OR14A2: variants seen among roughly 807,000 people sequenced by gnomAD.
The protein encoded by OR14A2 is olfactory receptor family 14 subfamily A member 2, also known as olfactory receptor 14A2.
For missense variants in OR14A2, 237 were observed against 152.9 expected (o/e 1.55, Z -2.90); for synonymous variants, 114 against 58.6 (o/e 1.95, Z -4.32).
At chr1:247,727,378 G>T (rs574871125), upstream of OR14A2, among the ~76,000 whole-genome samples, 383 of 151,728 alleles carry the variant, frequency 2.5e-3, 4 homozygotes, top group African/African-American at 9.0e-3. Flanking sequence ...TTTGTACATT[G>T]ATTTTGTATC....
the OR14A2 span, among the ~76,000 whole-genome samples, chr1:247,729,138 A>T: frequency 6.6e-6 from 1 of 152,128 alleles, no homozygotes; most frequent in East Asian, 1.9e-4. Context: ...CACTTGGCTA[A>T]TACTTTAGAA....
chr1:247,728,227 G>T (rs1001862108), upstream of OR14A2, among the ~76,000 whole-genome samples: 1 of 152,152 alleles, frequency 6.6e-6, no homozygotes, highest in African/African-American at 2.4e-5. Context: ...TATCCACTAT[G>T]ATCAAGTGGG....
upstream of OR14A2, among the ~76,000 whole-genome samples, chr1:247,725,489 A>T (rs1199657105): frequency 1.7e-5 from 2 of 117,200 alleles, no homozygotes; most frequent in East Asian, 4.0e-4. Flanking sequence ...ACAAGATTTT[A>T]TTTATTTATT....
chr1:247,738,425 T>C, the OR14A2 span, among the ~76,000 whole-genome samples: 1 of 152,216 alleles, frequency 6.6e-6, no homozygotes, highest in Non-Finnish European at 1.5e-5. Context: ...AGTGTTAGAC[T>C]GATATACCCA....
chr1:247,737,433 G>T, the OR14A2 span, among the ~76,000 whole-genome samples: 112 of 152,266 alleles, frequency 7.4e-4, 1 homozygote, highest in African/African-American at 2.7e-3. Flanking sequence ...GGGTGTTCTT[G>T]TTGGAAAAAG....
At chr1:247,735,082 A>C in the OR14A2 span, among the ~76,000 whole-genome samples, 1 of 152,220 alleles carries the variant, frequency 6.6e-6, no homozygotes, top group Non-Finnish European at 1.5e-5. Context: ...CCCTGGCATC[A>C]CTTAAGAATG....
chr1:247,730,292 A>G, the OR14A2 span, among the ~76,000 whole-genome samples: 1 of 152,086 alleles, frequency 6.6e-6, no homozygotes, highest in East Asian at 1.9e-4. Context: ...TGATTCAAAC[A>G]TAGCAAAAAA....
chr1:247,727,242 C>G (rs1402378481), upstream of OR14A2, among the ~76,000 whole-genome samples: 1 of 147,784 alleles, frequency 6.8e-6, no homozygotes, highest in East Asian at 2.0e-4. Flanking sequence ...TTGAAGAGGT[C>G]CTTCACATCC....
chr1:247,742,436 A>G, the OR14A2 span, among the ~76,000 whole-genome samples: 3 of 151,942 alleles, frequency 2.0e-5, no homozygotes, highest in Non-Finnish European at 4.4e-5. Context: ...ACATCACAAG[A>G]TTGAAATTTT....
the OR14A2 span, among the ~76,000 whole-genome samples, chr1:247,732,651 G>T: frequency 6.6e-6 from 1 of 152,168 alleles, no homozygotes; most frequent in Admixed American, 6.5e-5. Flanking sequence ...CTGCATATAA[G>T]TGCTTATAGA....
chr1:247,723,191 G>T, exon 1 of OR14A2: 1 of 717,644 alleles, frequency 1.4e-6, no homozygotes, highest in Non-Finnish European at 2.6e-6. Flanking sequence ...TAGGTTACAG[G>T]GTTAAATACT....
chr1:247,733,773 A>C, the OR14A2 span, among the ~76,000 whole-genome samples: 71 of 152,330 alleles, frequency 4.7e-4, no homozygotes, highest in African/African-American at 1.7e-3. Context: ...GATCTGGATC[A>C]AAAAGGATTA....
chr1:247,738,696 C>T, the OR14A2 span: 5 of 780,794 alleles, frequency 6.4e-6, no homozygotes, highest in East Asian at 2.4e-5. Context: ...GCATGCTTTG[C>T]TCTTCTCACT....
At chr1:247,747,506 CG>C in the OR14A2 span, among the ~76,000 whole-genome samples, 1 of 151,872 alleles carries the variant, frequency 6.6e-6, no homozygotes, top group Admixed American at 6.6e-5. Flanking sequence ...GAACTACAGG[CG>C]CTCGCCACCA....
chr1:247,744,070 T>C, the OR14A2 span, among the ~76,000 whole-genome samples: 1 of 152,210 alleles, frequency 6.6e-6, no homozygotes, highest in Non-Finnish European at 1.5e-5. The surrounding 1 kb of genome is among the most constrained non-coding windows in gnomAD (Gnocchi z 4.3). Context: ...AAGTTCTACC[T>C]TGGCCACTGC....
the OR14A2 span, among the ~76,000 whole-genome samples, chr1:247,729,517 C>T: frequency 2.6e-5 from 4 of 152,134 alleles, no homozygotes; most frequent in African/African-American, 7.2e-5. Flanking sequence ...GCTCTGTTCC[C>T]CTTTAGACTT....
At chr1:247,736,178 C>CTCCTT in the OR14A2 span, among the ~76,000 whole-genome samples, 1 of 150,252 alleles carries the variant, frequency 6.7e-6, no homozygotes, top group African/African-American at 2.4e-5. Flanking sequence ...CCCCTCTCCT[C>CTCCTT]TCCTCTCCTC....
chr1:247,738,539 GA>G, the OR14A2 span: 1 of 670,174 alleles, frequency 1.5e-6, no homozygotes, highest in African/African-American at 1.8e-5. Context: ...AACAAATGAA[GA>G]AACAAATGAT....
chr1:247,723,851 A>T lies in OR14A2; in HGVS notation c.193T>A (p.Ser65Thr), dbSNP rs1404307389. The T allele has an allele frequency of 7.0e-6, 5 of 717,812 alleles. No individual in the cohort carries two copies. In the African/African-American group the frequency reaches 8.7e-5, roughly 13 times the overall value. The allele number at this position is 717,812 out of a possible 1,614,324, so 44.5% of individuals were successfully genotyped here. The change falls in exon 1 of 1, where the codon TCC becomes ACC. Residue 65 changes from serine to threonine, a missense_variant. By Grantham distance (58) the Ser-to-Thr change is moderately conservative. Coordinates refer to ENST00000366485, the Ensembl canonical transcript of OR14A2. The stretch of plus-strand genomic sequence containing the variant: ...GACACCAGGAAGACATCCAAAAAGG[A>T]TAAGTTCTTCAGGAAGAAGTACATG...
Sources: allele counts gnomAD v4.1 joint callset (sites outside exome capture counted in the v4.1 genomes callset), GRCh38; gene constraint gnomAD v4.1.1; non-coding constraint Gnocchi (gnomAD v3.1); transcripts MANE v1.5; gene names NCBI Gene and HGNC (gene_info 2026-07-23, HGNC 2026-07-21).